The following MRNIP variants were observed in gnomAD, a reference collection of about 807,000 sequenced individuals.
MRNIP encodes MRN complex-interacting protein.
A neutral mutation model predicts 29.8 loss-of-function variants in MRNIP; 30 were observed. The observed-to-expected ratio is 1.01, with a 90% CI of 0.75 to 1.36. The LOEUF (loss-of-function observed/expected upper bound fraction) is 1.36, where lower values mean the gene tolerates loss of function less well. Ranked by LOEUF, MRNIP falls within the 40% of genes most tolerant of loss-of-function variation. The pLI is 0.00. For synonymous variants in MRNIP, 201 were observed against 164.1 expected, an observed-to-expected ratio of 1.23 and a Z score of -1.72; for missense variants, 459 against 423.5, an observed-to-expected ratio of 1.08 and a Z score of -0.74.
At chr5:179,851,753 C>T (rs984980130) in intron 2 of MRNIP, among the ~76,000 whole-genome samples, 10 of 152,086 alleles carry the variant, frequency 6.6e-5, no homozygotes, top group Non-Finnish European at 8.8e-5. Flanking sequence ...CCAAGGTGGG[C>T]AGATCACGAG....
At chr5:179,857,444 A>C (rs1360284182) in intron 1 of MRNIP, among the ~76,000 whole-genome samples, 1 of 152,046 alleles carries the variant, frequency 6.6e-6, no homozygotes, top group Non-Finnish European at 1.5e-5. Context: ...CTGGCGACAG[A>C]GTGAGACGTG....
intron 6 of MRNIP, chr5:179,839,971 T>TC (rs1758808616): frequency 6.6e-6 from 1 of 151,424 alleles, no homozygotes; most frequent in Non-Finnish European, 1.5e-5. Context: ...CTAAAAAATT[T>TC]TTTTTTTCTG....
At chr5:179,852,420 A>G (rs1326878138) in intron 2 of MRNIP, among the ~76,000 whole-genome samples, 1 of 152,212 alleles carries the variant, frequency 6.6e-6, no homozygotes, top group Non-Finnish European at 1.5e-5. Flanking sequence ...TAACAGTCAA[A>G]AGGGAAATCA....
intron 2 of MRNIP, chr5:179,851,511 C>T (rs1005350542): frequency 9.0e-6 from 4 of 442,876 alleles, no homozygotes; most frequent in South Asian, 6.2e-5. Flanking sequence ...AAGCTGATGT[C>T]TGGCTTGTTG....
At chr5:179,856,401 T>G (rs1416630391) in intron 1 of MRNIP, among the ~76,000 whole-genome samples, 5 of 152,154 alleles carry the variant, frequency 3.3e-5, no homozygotes, top group Admixed American at 3.3e-4. Flanking sequence ...CGTGTTAAAG[T>G]AGTACACAGC....
At chr5:179,851,715 A>T (rs1759372776) in intron 2 of MRNIP, among the ~76,000 whole-genome samples, 1 of 151,990 alleles carries the variant, frequency 6.6e-6, no homozygotes, top group Non-Finnish European at 1.5e-5. Context: ...ACGGTGGCTC[A>T]CGCCTGTAAC....
intron 6 of MRNIP, chr5:179,838,711 G>A (rs1294389996): frequency 3.9e-5 from 6 of 152,194 alleles, no homozygotes; most frequent in Admixed American, 2.6e-4. Flanking sequence ...TGGGAGCAGT[G>A]GCTCATGCCT....
Position 179,848,003 on chromosome 5 carries a change from C to T in MRNIP, c.190G>A (p.Gly64Arg). The change falls in exon 3 of 7, where the codon GGA (glycine) becomes AGA (arginine). Residue 64 changes from glycine to arginine, a missense_variant. Coordinates refer to ENST00000292586, the MANE Select transcript of MRNIP (RefSeq NM_016175.4). ...RHVQKLNLLQ[G>R]QVSELPLRSL... ...CTGAGTGGCAGCTCTGAAACTTGTCCCTGTAGTAGATTTAACTTTTGGACA... is the reference window on the plus strand; with the variant it reads ...CTGAGTGGCAGCTCTGAAACTTGTCTCTGTAGTAGATTTAACTTTTGGACA... 1 of 1,612,992 alleles carries T rather than the reference C, an allele frequency of 6.2e-7. No homozygotes were observed. Among genetic ancestry groups the T allele is most frequent in the Non-Finnish European group, 8.5e-7 (1 of 1,179,466 alleles).
chr5:179,841,350 G>A (rs1485437947), intron 5 of MRNIP: 3 of 190,994 alleles, frequency 1.6e-5, no homozygotes, highest in South Asian at 1.1e-4. Flanking sequence ...TATGTTGCCC[G>A]GACTGGAGGA....
At chr5:179,853,168 T>G in intron 2 of MRNIP, 1 of 1,452,452 alleles carries the variant, frequency 6.9e-7, no homozygotes. Context: ...CAAGAAATAC[T>G]TGCTGAATGA....
chr5:179,843,635 G>A (rs372620788), intron 4 of MRNIP, among the ~76,000 whole-genome samples: 3 of 152,050 alleles, frequency 2.0e-5, no homozygotes, highest in Admixed American at 6.6e-5. Context: ...AGTTACTCAG[G>A]AGCCTGAGGT....
chr5:179,844,256 T>G lies in MRNIP; in HGVS notation c.216-29A>C, dbSNP rs145118308. ...CAGGGAAGACCATACATATGCCCTT[T>G]GAAAAATGACCAGGGGCTGGGCACA... On this transcript the variant is annotated intron_variant, in intron 3 of 6. Coordinates refer to ENST00000292586, the MANE Select transcript of MRNIP (RefSeq NM_016175.4). 2.5e-6 allele frequency: 4 copies of G among 1,590,342 alleles called. No homozygotes were observed. The Admixed American group carries it at 5.0e-5, about 20-fold the overall frequency.
intron 4 of MRNIP, 151 bp from the exon 5 acceptor site, chr5:179,842,215 A>G (rs1758910374): frequency 1.3e-6 from 1 of 778,820 alleles, no homozygotes; most frequent in Non-Finnish European, 2.1e-6. Flanking sequence ...ATGGACGCCA[A>G]TACTATGCAA....
chr5:179,855,625 T>TA (rs1249530708), intron 1 of MRNIP, among the ~76,000 whole-genome samples: 8 of 152,204 alleles, frequency 5.3e-5, no homozygotes, highest in Non-Finnish European at 1.2e-4. Context: ...AATAAAATGT[T>TA]ACCAAGGGAT....
chr5:179,852,394 A>C (rs1430567394), intron 2 of MRNIP, among the ~76,000 whole-genome samples: 3 of 152,192 alleles, frequency 2.0e-5, no homozygotes, highest in Non-Finnish European at 4.4e-5. Flanking sequence ...GAAAAGCTTC[A>C]CGGTAGAGTT....
chr5:179,847,107 T>TA (rs1759166256), intron 3 of MRNIP: 1 of 148,744 alleles, frequency 6.7e-6, no homozygotes, highest in Admixed American at 6.8e-5. Context: ...TCAGTTCTCA[T>TA]AACCCACCAC....
chr5:179,837,671 T>G lies in MRNIP; in HGVS notation c.752A>C (p.Gln251Pro). ...HVDSEQPRSL[Q>P]RDPRPAGPAQ... The stretch of plus-strand genomic sequence containing the variant: ...TGGACCAGCTGGCCTGGGGTCCCTC[T>G]GAAGAGACCTTGGCTGCTCACTGTC... Residue 251 changes from glutamine to proline, a missense_variant, in exon 7 of 7, where the codon CAG (glutamine) becomes CCG (proline). Coordinates refer to ENST00000292586, the MANE Select transcript of MRNIP (RefSeq NM_016175.4). The G allele has an allele frequency of 6.2e-7, 1 of 1,614,232 alleles. No individual in the cohort carries two copies. The highest frequency in any genetic ancestry group is 8.5e-7 in the Non-Finnish European group (1 of 1,180,040).
intron 2 of MRNIP, among the ~76,000 whole-genome samples, chr5:179,849,114 C>A (rs1375709745): frequency 1.6e-5 from 2 of 125,302 alleles, no homozygotes; most frequent in African/African-American, 6.2e-5. Context: ...GAATTTGAGA[C>A]CATGGGTCCT....
At chr5:179,848,308 T>C (rs1030997820) in intron 2 of MRNIP, among the ~76,000 whole-genome samples, 6 of 152,152 alleles carry the variant, frequency 3.9e-5, no homozygotes, top group Admixed American at 3.3e-4. Context: ...GAACTCTACC[T>C]ACTGAAGCCA....
Sources: gnomAD v4.1 joint callset for allele counts (sites outside exome capture counted in the v4.1 genomes callset) on GRCh38, gnomAD v4.1.1 for gene constraint, MANE v1.5 for transcripts, NCBI Gene and HGNC (gene_info 2026-07-23, HGNC 2026-07-21) for gene names.